Variants in FAT3 observed in about 807,000 individuals in gnomAD.
FAT3 encodes FAT atypical cadherin 3.
FAT3 carries 95 observed loss-of-function variants against 310.2 expected under a neutral mutation model. That is an observed-to-expected ratio of 0.31 (90% CI 0.26 to 0.36). The LOEUF (loss-of-function observed/expected upper bound fraction) is 0.36, where lower values mean the gene tolerates loss of function less well. FAT3 is among the 10% of genes least tolerant of loss of function. The probability of loss-of-function intolerance (pLI) is 1.00; values close to 1 mark genes in which losing one functional copy is unlikely to be tolerated. For synonymous variants in FAT3, 2,314 were observed against 2,192.9 expected, an observed-to-expected ratio of 1.06 and a Z score of -1.54; for missense variants, 5,408 against 5,715.6, an observed-to-expected ratio of 0.95 and a Z score of 1.74.
chr11:92,443,296 T>C (rs1355114285), intron 2 of FAT3, among the ~76,000 whole-genome samples: 1 of 152,234 alleles, frequency 6.6e-6, no homozygotes, highest in Admixed American at 6.5e-5. Flanking sequence ...AGCAATGGGA[T>C]GTCAGTAGCT....
At chr11:92,424,421 C>A (rs1016663565) in intron 2 of FAT3, among the ~76,000 whole-genome samples, 1 of 152,190 alleles carries the variant, frequency 6.6e-6, no homozygotes, top group South Asian at 2.1e-4. Flanking sequence ...CTCCTATGGA[C>A]CTTGCCACAA....
At chr11:92,458,606 T>C (rs1951559350) in intron 2 of FAT3, among the ~76,000 whole-genome samples, 1 of 152,162 alleles carries the variant, frequency 6.6e-6, no homozygotes, top group Non-Finnish European at 1.5e-5. Flanking sequence ...CTTTCTTTGT[T>C]TATATCTCTG....
At chr11:92,559,457 T>A in intron 3 of FAT3, 1 of 367,770 alleles carries the variant, frequency 2.7e-6, no homozygotes, top group South Asian at 2.0e-5. Context: ...TGATCATAGC[T>A]CACTGCAATC....
chr11:92,753,312 A>G (rs1469871162), intron 4 of FAT3, among the ~76,000 whole-genome samples: 1 of 152,234 alleles, frequency 6.6e-6, no homozygotes. Context: ...CATCAATTGC[A>G]TGAGAGGCTC....
At chr11:92,454,887 T>C (rs1461453566) in intron 2 of FAT3, among the ~76,000 whole-genome samples, 1 of 152,210 alleles carries the variant, frequency 6.6e-6, no homozygotes, top group Non-Finnish European at 1.5e-5. Context: ...TCATCTGTTT[T>C]AATCCTTACA....
chr11:92,679,959 T>C (rs1834660553), intron 3 of FAT3, among the ~76,000 whole-genome samples: 1 of 151,766 alleles, frequency 6.6e-6, no homozygotes, highest in Non-Finnish European at 1.5e-5. Flanking sequence ...TTTAATGGGA[T>C]TTTTTTGTTG....
rs764021263 is a variant in FAT3 at position 92,352,478 on chromosome 11, G to A, written c.366G>A (p.Gln122=). 8 of 1,612,558 alleles carry A rather than the reference G, an allele frequency of 5.0e-6. No homozygotes were observed. Among genetic ancestry groups the A allele is most frequent in the African/African-American group, 2.7e-5 (2 of 74,866 alleles). Residue 122 remains glutamine (Q), a synonymous_variant, in exon 2 of 28, where the codon CAG becomes CAA. Coordinates refer to ENST00000525166, the MANE Select transcript of FAT3 (RefSeq NM_001367949.2). ...GNSAILNREI[Q]DNYLLIVKGS... ...CTGCCATATTAAATAGGGAAATCCA[G>A]GATAATTATTTATTGATAGTAAAAG...
chr11:92,353,485 T>G lies in FAT3; in HGVS notation c.1373T>G (p.Val458Gly). Residue 458 changes from valine (V) to glycine (G), a missense_variant, in exon 2 of 28, where the codon GTC (valine) becomes GGC (glycine). Val to Gly is a moderately radical substitution (Grantham distance 109). Coordinates refer to ENST00000525166, the MANE Select transcript of FAT3 (RefSeq NM_001367949.2). ...TNKEGDLKAQ[V>G]TISIEDANDH... ...AAGGAAGGAGATTTAAAAGCACAGG[T>G]CACCATCAGCATAGAAGATGCAAAT... The G allele has an allele frequency of 1.2e-6, 2 of 1,613,378 alleles. No homozygotes were observed. Among genetic ancestry groups the G allele is most frequent in the Non-Finnish European group, 1.7e-6 (2 of 1,179,714 alleles).
At chr11:92,613,308 T>G (rs1224616127) in intron 3 of FAT3, among the ~76,000 whole-genome samples, 1 of 152,212 alleles carries the variant, frequency 6.6e-6, no homozygotes, top group Non-Finnish European at 1.5e-5. Flanking sequence ...TCACTCTACC[T>G]TCTATTTAGG....
chr11:92,742,491 C>T (rs1364923480), intron 4 of FAT3, among the ~76,000 whole-genome samples: 5 of 152,174 alleles, frequency 3.3e-5, no homozygotes, highest in Admixed American at 6.5e-5. Flanking sequence ...TGGATGTGTC[C>T]GCCAAAGTTT....
At chr11:92,889,285 T>G (rs767930568) in intron 26 of FAT3, 37 bp downstream of exon 26, 51 of 683,902 alleles carry the variant, frequency 7.5e-5, no homozygotes, top group Non-Finnish European at 1.2e-4. Flanking sequence ...TTTCTTGAAA[T>G]TTTGCTTCCT....
chr11:92,732,252 T>C (rs1318410055), intron 4 of FAT3, among the ~76,000 whole-genome samples: 2 of 152,194 alleles, frequency 1.3e-5, no homozygotes, highest in African/African-American at 4.8e-5. Flanking sequence ...CTGAATGCTA[T>C]TAGAATCTAT....
At chr11:92,659,118 A>T (rs1942682734) in intron 3 of FAT3, among the ~76,000 whole-genome samples, 1 of 152,188 alleles carries the variant, frequency 6.6e-6, no homozygotes, top group Non-Finnish European at 1.5e-5. Flanking sequence ...AAAATGTGGT[A>T]GGCATTTTTA....
At chr11:92,233,282 C>T (rs1864267841) in intron 1 of FAT3, among the ~76,000 whole-genome samples, 1 of 152,126 alleles carries the variant, frequency 6.6e-6, no homozygotes, top group African/African-American at 2.4e-5. Context: ...TCCTCATCTT[C>T]ATAGGTATGT....
intron 2 of FAT3, among the ~76,000 whole-genome samples, chr11:92,481,272 G>GA: frequency 1.3e-5 from 2 of 151,904 alleles, no homozygotes; most frequent in East Asian, 3.9e-4. Context: ...TATATAATTT[G>GA]AAAAATATGT....
chr11:92,729,337 T>C (rs1252743119), intron 4 of FAT3, among the ~76,000 whole-genome samples: 3 of 152,020 alleles, frequency 2.0e-5, no homozygotes, highest in African/African-American at 7.3e-5. Flanking sequence ...TCACATCAGA[T>C]GGGTAATAAG....
intron 2 of FAT3, among the ~76,000 whole-genome samples, chr11:92,439,778 C>T (rs1205329346): frequency 6.6e-6 from 1 of 151,910 alleles, no homozygotes; most frequent in Non-Finnish European, 1.5e-5. Flanking sequence ...GAAAATTAGC[C>T]AGGCGTTTGT....
chr11:92,882,585 T>TCCC (rs58520864), intron 23 of FAT3, among the ~76,000 whole-genome samples, 153 bp from the exon 24 acceptor site: 1,750 of 92,896 alleles, frequency 0.019, 71 homozygotes, highest in African/African-American at 0.068. Context: ...TAACTCCCCC[T>TCCC]CCCCCCCCCC....
At chr11:92,859,673 C>A (rs1390277378) in intron 21 of FAT3, among the ~76,000 whole-genome samples, 4 of 152,158 alleles carry the variant, frequency 2.6e-5, no homozygotes, top group Non-Finnish European at 4.4e-5. Flanking sequence ...CGTTTTCTAC[C>A]ACATGGGTCT....
Sources: gnomAD v4.1 joint callset for allele counts (sites outside exome capture counted in the v4.1 genomes callset) on GRCh38, gnomAD v4.1.1 for gene constraint, MANE v1.5 for transcripts, NCBI Gene and HGNC (gene_info 2026-07-23, HGNC 2026-07-21) for gene names.